Variants in ACTN1 observed in about 807,000 individuals in gnomAD.
ACTN1 encodes actinin alpha 1.
In ACTN1, 30 loss-of-function variants were observed where a neutral mutation model predicts 119.6. The ratio of observed to expected loss-of-function variants is 0.25; its 90% CI spans 0.19 to 0.34. The LOEUF is 0.34. Ranked by LOEUF, ACTN1 falls within the 10% of genes least tolerant of loss-of-function variation. The pLI, the probability that ACTN1 is intolerant of heterozygous loss-of-function variation, is 1.00. For missense variants in ACTN1, 764 were observed against 1,223.4 expected, an observed-to-expected ratio of 0.62 and a Z score of 5.60; for synonymous variants, 429 against 472.6, an observed-to-expected ratio of 0.91 and a Z score of 1.20.
chr14:68,951,333 C>A (rs564055043), intron 1 of ACTN1, among the ~76,000 whole-genome samples: 1 of 152,250 alleles, frequency 6.6e-6, no homozygotes, highest in East Asian at 1.9e-4. Flanking sequence ...TATGGAGAAA[C>A]CACCCCACCG....
At chr14:68,915,456 G>A (rs2034238991) in intron 3 of ACTN1, among the ~76,000 whole-genome samples, 1 of 152,196 alleles carries the variant, frequency 6.6e-6, no homozygotes, top group Non-Finnish European at 1.5e-5. Context: ...GTGTACATGT[G>A]TATTTTCTCT....
chr14:68,892,814 A>G (rs1199832513), intron 9 of ACTN1, among the ~76,000 whole-genome samples: 1 of 152,154 alleles, frequency 6.6e-6, no homozygotes, highest in Non-Finnish European at 1.5e-5. Flanking sequence ...TCCTTGGGCC[A>G]AGGTGATGGT....
intron 3 of ACTN1, among the ~76,000 whole-genome samples, chr14:68,916,971 G>C (rs551464440): frequency 6.6e-6 from 1 of 152,146 alleles, no homozygotes; most frequent in South Asian, 2.1e-4. Context: ...CTGTGGTATG[G>C]CACCCACCGC....
At chr14:68,876,433 G>C (rs139445706) in intron 21 of ACTN1, among the ~76,000 whole-genome samples, 2,765 of 152,044 alleles carry the variant, frequency 0.018, 42 homozygotes, top group Non-Finnish European at 0.026. Context: ...ATATTCGAGG[G>C]ATCTGTGGCT....
intron 1 of ACTN1, among the ~76,000 whole-genome samples, chr14:68,950,460 G>GTGTGTGTGTGTGTGTGTGTGTGTGTGTA (rs1555358215): frequency 1.2e-5 from 1 of 82,916 alleles, no homozygotes; most frequent in Non-Finnish European, 2.2e-5. Flanking sequence ...ATATGCGTGT[G>GTGTGTGTGTGTGTGTGTGTGTGTGTGTA]TGTATATATA....
chr14:68,881,094 A>C (rs2031466730), intron 16 of ACTN1, 105 bp from the exon 17 acceptor site: 2 of 1,144,194 alleles, frequency 1.7e-6, no homozygotes, highest in Non-Finnish European at 2.5e-6. Flanking sequence ...AATGATTCTC[A>C]GTTCCCATCC....
rs772539105 is a variant in ACTN1, at chr14:68,882,764, G to A, written c.1818+109C>T. 4.1e-5 allele frequency: 62 copies of A among 1,520,998 alleles called. No homozygotes were observed. Among genetic ancestry groups the A allele is most frequent in the Non-Finnish European group, 4.7e-5 (53 of 1,116,412 alleles). The allele number at this position is 1,520,998 out of a possible 1,614,324, so 94.2% of individuals were successfully genotyped here. A position where few individuals can be genotyped will look rare whatever the true frequency, so the allele number is the denominator to read the frequency against. ...TTTGACATTTGGACAAACAATGAGT[G>A]TTTACTATATGACAATTTTAAATGA... is the stretch of plus-strand genomic sequence containing the variant. On this transcript the variant is annotated intron_variant, in intron 15 of 21. Transcript: ENST00000394419. This position sits in a 1 kb window ranked among gnomAD's most constrained non-coding sequence, Gnocchi z 4.5.
At chr14:68,891,345 T>C (rs1259141686) in intron 10 of ACTN1, among the ~76,000 whole-genome samples, 1 of 152,240 alleles carries the variant, frequency 6.6e-6, no homozygotes, top group Non-Finnish European at 1.5e-5. Context: ...AAGAGTATTT[T>C]ATGACATGGA....
At chr14:68,947,884 A>C (rs2035992051) in intron 1 of ACTN1, among the ~76,000 whole-genome samples, 1 of 152,184 alleles carries the variant, frequency 6.6e-6, no homozygotes, top group Admixed American at 6.5e-5. Flanking sequence ...GGCTCCAAGG[A>C]AGGGAGTGCG....
At chr14:68,915,379 C>G (rs1344870577) in intron 3 of ACTN1, among the ~76,000 whole-genome samples, 6 of 152,156 alleles carry the variant, frequency 3.9e-5, no homozygotes. Context: ...CTCACACGTC[C>G]CCTTCTCATG....
At chr14:68,891,761 T>C (rs1026965210) in intron 10 of ACTN1, among the ~76,000 whole-genome samples, 8 of 152,174 alleles carry the variant, frequency 5.3e-5, no homozygotes, top group South Asian at 4.1e-4. Context: ...AAGCATTGTG[T>C]TCATAGGGAT....
intron 1 of ACTN1, among the ~76,000 whole-genome samples, chr14:68,953,804 C>G (rs1365924651): frequency 6.6e-6 from 1 of 151,560 alleles, no homozygotes; most frequent in South Asian, 2.1e-4. Context: ...GAAGAATCAC[C>G]TAAACCCAGG....
At chr14:68,901,146 C>T (rs183698286) in intron 8 of ACTN1, among the ~76,000 whole-genome samples, 69 of 147,526 alleles carry the variant, frequency 4.7e-4, no homozygotes, top group African/African-American at 1.3e-3. Context: ...GAGGCAGGGA[C>T]GGCATAGGAG....
chr14:68,879,816 G>T lies in ACTN1; in HGVS notation c.2280+146C>A. On this transcript the variant is annotated intron_variant, in intron 18 of 21. Transcript: ENST00000394419. This position sits in a 1 kb window ranked among gnomAD's most constrained non-coding sequence, Gnocchi z 4.9. ...TTTTCCAAGGCTGGTTTTGCAGGGT[G>T]CATTGAGTCAGGGCAGGCTGACGGC... 1 of 1,145,974 alleles carries T rather than the reference G, an allele frequency of 8.7e-7. No individual in the cohort carries two copies. The highest frequency in any genetic ancestry group is 1.2e-6 in the Non-Finnish European group (1 of 821,812). The allele number at this position is 1,145,974 out of a possible 1,614,324, so 71.0% of individuals were successfully genotyped here. A position where few individuals can be genotyped will look rare whatever the true frequency, so the allele number is the denominator to read the frequency against.
At chr14:68,938,029 T>C (rs1029981872) in intron 1 of ACTN1, among the ~76,000 whole-genome samples, 2 of 152,228 alleles carry the variant, frequency 1.3e-5, no homozygotes, top group African/African-American at 4.8e-5. Flanking sequence ...GCGTGGGCCC[T>C]GGGTGGTTTG....
intron 9 of ACTN1, among the ~76,000 whole-genome samples, chr14:68,892,856 T>C (rs573513778): frequency 1.3e-3 from 195 of 151,860 alleles, no homozygotes; most frequent in African/African-American, 4.5e-3. Flanking sequence ...CACATGACAA[T>C]AGGAATACAC....
rs528616872 is a variant in ACTN1, at chr14:68,899,281, CCA to C, written c.762+3194_762+3195del. 7.2e-4 allele frequency among the ~76,000 whole-genome samples: 108 copies of C among 149,726 alleles called. 1 individual carries two copies. Among genetic ancestry groups the C allele is most frequent in the Middle Eastern group, 3.4e-3 (1 of 290 alleles). The stretch of plus-strand genomic sequence containing the variant: ...ACACACCCACATGCCACACCTCACA[CCA>C]CAAACACACCTCACACCCACAGCAC... On this transcript the variant is annotated intron_variant, in intron 8 of 21. Transcript: ENST00000394419.
At chr14:68,975,204 A>G (rs1316070486) in intron 1 of ACTN1, among the ~76,000 whole-genome samples, 1 of 152,134 alleles carries the variant, frequency 6.6e-6, no homozygotes, top group African/African-American at 2.4e-5. Context: ...GGCCTTATTC[A>G]CAACCACCTC....
intron 1 of ACTN1, among the ~76,000 whole-genome samples, chr14:68,935,315 T>C (rs2035436977): frequency 6.6e-6 from 1 of 150,512 alleles, no homozygotes; most frequent in African/African-American, 2.4e-5. Flanking sequence ...TGAGCTACTG[T>C]GCCTGGCAAT....
Sources: allele counts gnomAD v4.1 joint callset (sites outside exome capture counted in the v4.1 genomes callset), GRCh38; gene constraint gnomAD v4.1.1; non-coding constraint Gnocchi (gnomAD v3.1); transcripts MANE v1.5; gene names NCBI Gene and HGNC (gene_info 2026-07-23, HGNC 2026-07-21).